Variants in ZFYVE9 observed in about 807,000 individuals in gnomAD.
ZFYVE9 encodes the protein zinc finger FYVE domain-containing protein 9.
In ZFYVE9, 43 loss-of-function variants were observed where a neutral mutation model predicts 126.7. That is an observed-to-expected ratio of 0.34 (90% CI 0.27 to 0.44). The LOEUF is 0.44. ZFYVE9 is among the 20% of genes least tolerant of loss of function. The pLI is 1.00. For missense variants in ZFYVE9, 1,476 were observed against 1,697.0 expected (o/e 0.87, Z 2.29); for synonymous variants, 521 against 597.4 (o/e 0.87, Z 1.87).
At chr1:52,208,016 C>T (rs1286015731) in intron 1 of ZFYVE9, among the ~76,000 whole-genome samples, 2 of 152,156 alleles carry the variant, frequency 1.3e-5, no homozygotes, top group Non-Finnish European at 2.9e-5. Flanking sequence ...AAAGTAGCAA[C>T]AGCTATTAAA....
chr1:52,146,934 G>A (rs1400079767), intron 1 of ZFYVE9, among the ~76,000 whole-genome samples: 4 of 152,114 alleles, frequency 2.6e-5, no homozygotes, highest in Non-Finnish European at 5.9e-5. Flanking sequence ...AATTCGAAAT[G>A]CTCAAAGGTC....
intron 10 of ZFYVE9, among the ~76,000 whole-genome samples, chr1:52,284,568 C>T (rs941005364): frequency 1.1e-4 from 17 of 151,930 alleles, no homozygotes; most frequent in South Asian, 4.1e-4. Flanking sequence ...TACAGGCGCC[C>T]GCCACCACGC....
chr1:52,284,406 A>G (rs1468415291), intron 10 of ZFYVE9, among the ~76,000 whole-genome samples: 1 of 151,948 alleles, frequency 6.6e-6, no homozygotes, highest in African/African-American at 2.4e-5. Context: ...TGAATTATTA[A>G]AATATGTTTA....
At position 52,332,975 on chromosome 1, in the gene ZFYVE9, A is replaced by T. The variant is rs1569775632; in HGVS notation, c.3589+57A>T. 4 of 1,604,082 alleles carry T rather than the reference A, an allele frequency of 2.5e-6. No individual in the cohort carries two copies. The East Asian group carries it at 8.9e-5, about 36-fold the overall frequency. ...ATGGAAAATTATACTGGACTTGGAC[A>T]GTTAGATACCTCAGTCCCGTAACAC... is the stretch of plus-strand genomic sequence containing the variant. On this transcript the variant is annotated intron_variant, in intron 14 of 18. Transcript: ENST00000287727.
chr1:52,153,625 A>AT (rs1270068590), intron 1 of ZFYVE9, among the ~76,000 whole-genome samples: 5 of 152,282 alleles, frequency 3.3e-5, no homozygotes, highest in Non-Finnish European at 4.4e-5. Flanking sequence ...ATGAGGGTTA[A>AT]TTAATCTTGC....
intron 11 of ZFYVE9, among the ~76,000 whole-genome samples, chr1:52,294,152 A>G (rs911066442): frequency 2.6e-5 from 4 of 152,212 alleles, no homozygotes; most frequent in African/African-American, 9.6e-5. Context: ...GTGATTTTTA[A>G]AAAGACATTA....
At chr1:52,306,748 G>A (rs1475340198) in intron 13 of ZFYVE9, among the ~76,000 whole-genome samples, 1 of 152,234 alleles carries the variant, frequency 6.6e-6, no homozygotes, top group Non-Finnish European at 1.5e-5. Flanking sequence ...ACATTCCCTG[G>A]TGGCAGCTGT....
chr1:52,238,212 G>T lies in ZFYVE9; in HGVS notation c.795G>T (p.Thr265=). The change falls in exon 4 of 19, where the codon ACG becomes ACT. Residue 265 remains threonine (T), a synonymous_variant. Coordinates refer to ENST00000287727, the MANE Select transcript of ZFYVE9 (RefSeq NM_004799.4). ...DPSMSAITSL[T]VDSVISSQGT... is the part of the protein sequence containing the mutation. Reference sequence around the variant, plus strand: ...CCATGTCTGCGATTACAAGTTTAACGGTTGATTCAGTAATCTCATCCCAGG... The same window carrying T: ...CCATGTCTGCGATTACAAGTTTAACTGTTGATTCAGTAATCTCATCCCAGG... 1.2e-6 allele frequency: 2 copies of T among 1,614,004 alleles called. No individual in the cohort carries two copies. Among genetic ancestry groups the T allele is most frequent in the Non-Finnish European group, 1.7e-6 (2 of 1,179,970 alleles).
chr1:52,166,635 C>T (rs1644516316), intron 1 of ZFYVE9, among the ~76,000 whole-genome samples: 1 of 152,046 alleles, frequency 6.6e-6, no homozygotes, highest in South Asian at 2.1e-4. Context: ...AAGTTTTAGG[C>T]TGGGTGCGGT....
intron 4 of ZFYVE9, among the ~76,000 whole-genome samples, chr1:52,251,023 GTTT>G (rs1007525721): frequency 2.2e-5 from 3 of 138,132 alleles, no homozygotes; most frequent in Non-Finnish European, 3.1e-5. Flanking sequence ...GTTTTCAGTC[GTTT>G]TTGTTGTTGT....
At chr1:52,295,629 C>T (rs1645966224) in intron 11 of ZFYVE9, among the ~76,000 whole-genome samples, 1 of 152,052 alleles carries the variant, frequency 6.6e-6, no homozygotes, top group Non-Finnish European at 1.5e-5. Flanking sequence ...TCCCAAAGTG[C>T]TGGGATTACA....
intron 1 of ZFYVE9, among the ~76,000 whole-genome samples, chr1:52,155,879 T>C (rs1558030601): frequency 6.6e-6 from 1 of 152,190 alleles, no homozygotes; most frequent in Non-Finnish European, 1.5e-5. Context: ...AGGGGATGTG[T>C]TGGCATGATT....
At chr1:52,234,706 A>T (rs539393846) in intron 3 of ZFYVE9, among the ~76,000 whole-genome samples, 8 of 152,174 alleles carry the variant, frequency 5.3e-5, no homozygotes. Flanking sequence ...ACTAACCTAT[A>T]TTCCTAGGCT....
intron 2 of ZFYVE9, among the ~76,000 whole-genome samples, chr1:52,227,837 T>C (rs1317771361): frequency 6.6e-6 from 1 of 152,198 alleles, no homozygotes; most frequent in Non-Finnish European, 1.5e-5. Flanking sequence ...CCTGGCTTCA[T>C]GTAGAAAGCT....
At chr1:52,144,892 A>G (rs1045367617) in intron 1 of ZFYVE9, among the ~76,000 whole-genome samples, 1 of 152,206 alleles carries the variant, frequency 6.6e-6, no homozygotes, top group Non-Finnish European at 1.5e-5. Context: ...TTTAGGATAA[A>G]TAAATCTGAA....
intron 13 of ZFYVE9, among the ~76,000 whole-genome samples, chr1:52,329,612 T>C (rs79764474): frequency 2.1e-4 from 32 of 152,246 alleles, no homozygotes; most frequent in African/African-American, 7.2e-4. Context: ...GTCTTAAGAA[T>C]TCTTACATAT....
intron 4 of ZFYVE9, among the ~76,000 whole-genome samples, chr1:52,242,029 A>ATTTT (rs1645338681): frequency 4.4e-5 from 6 of 136,064 alleles, no homozygotes; most frequent in African/African-American, 1.5e-4. Flanking sequence ...TGTCATGGCA[A>ATTTT]TCTTTTTTTT....
At chr1:52,223,039 T>C (rs1232872056) in intron 2 of ZFYVE9, among the ~76,000 whole-genome samples, 3 of 152,106 alleles carry the variant, frequency 2.0e-5, no homozygotes, top group African/African-American at 7.2e-5. Flanking sequence ...GGAGAAAACA[T>C]AGGGAAAGCG....
chr1:52,168,214 CT>C (rs139943554), intron 1 of ZFYVE9, among the ~76,000 whole-genome samples: 7,512 of 114,960 alleles, frequency 0.065, 203 homozygotes, highest in African/African-American at 0.21. Context: ...TCTTCGTCTT[CT>C]TTTTTTTTTT....
Sources: gnomAD v4.1 joint callset for allele counts (sites outside exome capture counted in the v4.1 genomes callset) on GRCh38, gnomAD v4.1.1 for gene constraint, MANE v1.5 for transcripts, NCBI Gene and HGNC (gene_info 2026-07-23, HGNC 2026-07-21) for gene names.